Variants in FHIT observed in about 807,000 individuals in gnomAD.
FHIT encodes the protein fragile histidine triad diadenosine triphosphatase.
In FHIT, 19 loss-of-function variants were observed where a neutral mutation model predicts 17.9. The ratio of observed to expected loss-of-function variants is 1.06; its 90% CI spans 0.74 to 1.56. FHIT has a LOEUF of 1.56. Among genes scored for constraint, FHIT ranks in the 40% most tolerant of loss-of-function variants. FHIT has a pLI of 0.00. For synonymous variants in FHIT, 81 were observed against 69.7 expected, an observed-to-expected ratio of 1.16 and a Z score of -0.81; for missense variants, 248 against 189.2, an observed-to-expected ratio of 1.31 and a Z score of -1.82.
rs62249087 is a variant in FHIT, at chr3:60,575,572, G to A, written c.-17-38593C>T. On this transcript the variant is annotated intron_variant, in intron 4 of 9. Transcript: ENST00000492590. ...AAATAAGATTTTCATTTAAAAGAAT[G>A]AAAGAATTAAGAAGACCACAGTATA... is the stretch of plus-strand genomic sequence containing the variant. 2.4e-3 allele frequency among the ~76,000 whole-genome samples: 359 copies of A among 152,204 alleles called. 2 individuals are homozygous for A. The highest frequency in any genetic ancestry group is 4.0e-3 in the Non-Finnish European group (272 of 67,996).
chr3:60,711,997 G>T (rs1256256200), intron 4 of FHIT, among the ~76,000 whole-genome samples: 3 of 152,108 alleles, frequency 2.0e-5, no homozygotes, highest in African/African-American at 7.2e-5. Context: ...TGAAATGAAG[G>T]AAAAAATGTT....
chr3:59,775,601 G>C (rs1211182871), intron 8 of FHIT, among the ~76,000 whole-genome samples: 2 of 152,124 alleles, frequency 1.3e-5, no homozygotes, highest in African/African-American at 4.8e-5. Context: ...CTTGTTACCT[G>C]GCTCAAAGAT....
intron 5 of FHIT, among the ~76,000 whole-genome samples, chr3:60,099,040 G>A (rs1210451442): frequency 6.6e-6 from 1 of 152,062 alleles, no homozygotes; most frequent in African/African-American, 2.4e-5. Context: ...TTGACCACTG[G>A]CTCTCAAAGC....
At chr3:60,212,312 C>G (rs994143459) in intron 5 of FHIT, among the ~76,000 whole-genome samples, 23 of 152,254 alleles carry the variant, frequency 1.5e-4, no homozygotes, top group Admixed American at 1.2e-3. Flanking sequence ...TAGGGACATG[C>G]AGCCAGGACG....
At chr3:60,338,716 T>C (rs1040859398) in intron 5 of FHIT, among the ~76,000 whole-genome samples, 1 of 152,148 alleles carries the variant, frequency 6.6e-6, no homozygotes, top group African/African-American at 2.4e-5. Context: ...ACAGCACCAG[T>C]GAATACAGAA....
rs145683400 is a variant in FHIT at position 59,826,213 on chromosome 3, G to A, written c.349-73892C>T. ...GCTCACTGCAGCCTTGGCCTCTGGGGCTCAGGTGATTCTCCCACCTCAGCC... is the reference window on the plus strand; with the variant it reads ...GCTCACTGCAGCCTTGGCCTCTGGGACTCAGGTGATTCTCCCACCTCAGCC... On this transcript the variant is annotated intron_variant, in intron 8 of 9. Coordinates refer to ENST00000492590, the MANE Select transcript of FHIT (RefSeq NM_002012.4). 1.2e-3 allele frequency among the ~76,000 whole-genome samples: 181 copies of A among 152,214 alleles called. 1 individual carries two copies. Among genetic ancestry groups the A allele is most frequent in the African/African-American group, 4.2e-3 (173 of 41,530 alleles).
intron 7 of FHIT, among the ~76,000 whole-genome samples, chr3:59,969,762 A>G (rs1708093716): frequency 1.3e-5 from 2 of 152,128 alleles, no homozygotes; most frequent in African/African-American, 4.8e-5. Flanking sequence ...ATCTACACTA[A>G]TATTTCCAGC....
At chr3:60,315,471 G>T (rs1041741096) in intron 5 of FHIT, among the ~76,000 whole-genome samples, 1 of 152,008 alleles carries the variant, frequency 6.6e-6, no homozygotes, top group Admixed American at 6.6e-5. Context: ...ACACAAATAA[G>T]AAACCAGTAT....
intron 4 of FHIT, among the ~76,000 whole-genome samples, chr3:60,699,909 C>T (rs917239556): frequency 5.3e-5 from 8 of 151,734 alleles, no homozygotes; most frequent in African/African-American, 1.2e-4. Flanking sequence ...TTTGGGAGGC[C>T]GAGGCAGGTG....
At chr3:60,687,654 A>C (rs1276880862) in intron 4 of FHIT, among the ~76,000 whole-genome samples, 1 of 152,074 alleles carries the variant, frequency 6.6e-6, no homozygotes, top group African/African-American at 2.4e-5. Context: ...CTAGAGAACA[A>C]AATTTAATAA....
At chr3:60,562,685 C>T (rs923202139) in intron 4 of FHIT, among the ~76,000 whole-genome samples, 3 of 152,276 alleles carry the variant, frequency 2.0e-5, no homozygotes, top group South Asian at 2.1e-4. Context: ...TTCTCAGCTC[C>T]ACTCCAGATG....
chr3:60,433,503 A>G (rs1327393997), intron 5 of FHIT, among the ~76,000 whole-genome samples: 1 of 152,054 alleles, frequency 6.6e-6, no homozygotes, highest in African/African-American at 2.4e-5. Flanking sequence ...AGTTTTCTAT[A>G]ATCATTGCAT....
At chr3:60,745,720 G>C (rs1553715171) in intron 4 of FHIT, among the ~76,000 whole-genome samples, 1 of 152,102 alleles carries the variant, frequency 6.6e-6, no homozygotes, top group Non-Finnish European at 1.5e-5. Context: ...TCTAACAATA[G>C]TTACTCTGGT....
intron 5 of FHIT, among the ~76,000 whole-genome samples, chr3:60,499,669 G>A (rs978738634): frequency 2.0e-5 from 3 of 152,064 alleles, no homozygotes; most frequent in African/African-American, 2.4e-5. Flanking sequence ...ATGAGCCACC[G>A]CGCCCGGCCT....
chr3:60,358,896 G>A (rs983583527), intron 5 of FHIT, among the ~76,000 whole-genome samples: 2 of 152,180 alleles, frequency 1.3e-5, no homozygotes, highest in African/African-American at 4.8e-5. Context: ...ATTGATGGAA[G>A]ATTTATATTA....
At chr3:60,738,702 A>G (rs1553713204) in intron 4 of FHIT, among the ~76,000 whole-genome samples, 1 of 152,178 alleles carries the variant, frequency 6.6e-6, no homozygotes, top group East Asian at 1.9e-4. Flanking sequence ...CAGATAATAA[A>G]CACATGTGAA....
At chr3:60,046,268 C>A (rs138979055) in intron 5 of FHIT, among the ~76,000 whole-genome samples, 2 of 152,116 alleles carry the variant, frequency 1.3e-5, no homozygotes, top group South Asian at 4.1e-4. Context: ...TTCTGCAGAA[C>A]CAAATGTTGA....
At chr3:60,500,222 CT>C (rs1467189985) in intron 5 of FHIT, among the ~76,000 whole-genome samples, 1 of 152,176 alleles carries the variant, frequency 6.6e-6, no homozygotes, top group Non-Finnish European at 1.5e-5. Flanking sequence ...GATGATGTTG[CT>C]TTCACACTAG....
At chr3:60,027,792 G>A (rs115678950) in intron 5 of FHIT, among the ~76,000 whole-genome samples, 2,269 of 151,078 alleles carry the variant, frequency 0.015, 62 homozygotes, top group African/African-American at 0.05. Context: ...GATATTCCTC[G>A]ATCCATCATA....
Sources: gnomAD v4.1 joint callset for allele counts (sites outside exome capture counted in the v4.1 genomes callset) on GRCh38, gnomAD v4.1.1 for gene constraint, MANE v1.5 for transcripts, NCBI Gene and HGNC (gene_info 2026-07-23, HGNC 2026-07-21) for gene names.